The following PIBF1 variants were observed in gnomAD, a reference collection of about 807,000 sequenced individuals.
PIBF1 encodes progesterone-induced-blocking factor 1.
A neutral mutation model predicts 112.5 loss-of-function variants in PIBF1; 90 were observed. That is an observed-to-expected ratio of 0.80 (90% CI 0.67 to 0.95). The LOEUF (loss-of-function observed/expected upper bound fraction) is 0.95, where lower values mean the gene tolerates loss of function less well. Ranked by LOEUF, PIBF1 falls within the 40% of genes least tolerant of loss-of-function variation. The pLI, the probability that PIBF1 is intolerant of heterozygous loss-of-function variation, is 0.00. For synonymous variants in PIBF1, 301 were observed against 288.6 expected, an observed-to-expected ratio of 1.04 and a Z score of -0.44; for missense variants, 915 against 852.3, an observed-to-expected ratio of 1.07 and a Z score of -0.92.
At chr13:72,786,502 T>C (rs2138328381) in intron 2 of PIBF1, among the ~76,000 whole-genome samples, 1 of 152,362 alleles carries the variant, frequency 6.6e-6, no homozygotes, top group South Asian at 2.1e-4. Context: ...TACTCAGCAC[T>C]GTTTTTGAAG....
At chr13:73,002,339 G>A (rs1247356461) in intron 17 of PIBF1, among the ~76,000 whole-genome samples, 1 of 152,152 alleles carries the variant, frequency 6.6e-6, no homozygotes, top group Non-Finnish European at 1.5e-5. Flanking sequence ...TGCTACTTCT[G>A]CAACAGGCAA....
In PIBF1 at chr13:72,827,810, T is replaced by G; in HGVS notation, c.993T>G (p.Ser331Arg). ...EYLNRQNMELSVRCAHEEDRL... is the reference protein window; with the variant it reads ...EYLNRQNMELRVRCAHEEDRL... ...TTAATCGCCAAAACATGGAGCTTAG[T>G]GTTCGCTGTGCTCATGAAGAGGATC... Residue 331 changes from serine to arginine, a missense_variant, in exon 8 of 18, where the codon AGT becomes AGG. Coordinates refer to ENST00000326291, the MANE Select transcript of PIBF1 (RefSeq NM_006346.4). 1 of 1,605,502 alleles carries G rather than the reference T, an allele frequency of 6.2e-7. No homozygotes were observed. The highest frequency in any genetic ancestry group is 8.5e-7 in the Non-Finnish European group (1 of 1,176,054).
rs1287166009 is a variant in PIBF1, at chr13:73,016,411, TAACC to T, written c.*495_*498del. ...TTTTTCTTATATTTTATATTACCAT[TAACC>T]AATAAAATCTGGCAGAAAGTCTGCT... On this transcript the variant is annotated 3_prime_UTR_variant, in exon 18 of 18. Coordinates refer to ENST00000326291, the MANE Select transcript of PIBF1 (RefSeq NM_006346.4). 6.6e-6 allele frequency: 1 copy of T among 152,204 alleles called. No homozygotes were observed. The highest frequency in any genetic ancestry group is 2.4e-5 in the African/African-American group (1 of 41,452). 9.4% of individuals were successfully genotyped at this position (152,204 alleles called of 1,614,324 possible).
chr13:72,823,578 G>A (rs1003146808), intron 6 of PIBF1, among the ~76,000 whole-genome samples: 2 of 152,032 alleles, frequency 1.3e-5, no homozygotes, highest in African/African-American at 4.8e-5. Context: ...TTTATGCCCC[G>A]GGTAAATTCT....
intron 8 of PIBF1, among the ~76,000 whole-genome samples, chr13:72,833,825 T>G (rs1451540357): frequency 6.6e-6 from 1 of 152,170 alleles, no homozygotes; most frequent in Non-Finnish European, 1.5e-5. Flanking sequence ...CAGGGACGTT[T>G]AAGTCTGCTG....
chr13:72,986,120 A>C (rs1336396112), intron 16 of PIBF1, among the ~76,000 whole-genome samples: 1 of 152,104 alleles, frequency 6.6e-6, no homozygotes, highest in East Asian at 1.9e-4. Context: ...CTGTGCTTGC[A>C]CCACTGCACT....
intron 5 of PIBF1, 35 bp downstream of exon 5, chr13:72,798,061 T>C: frequency 6.4e-7 from 1 of 1,560,914 alleles, no homozygotes; most frequent in South Asian, 1.2e-5. Context: ...GGGAAGAAGC[T>C]TCGGCTTTTT....
chr13:72,898,686 A>G (rs917220923), intron 11 of PIBF1, among the ~76,000 whole-genome samples: 2 of 150,418 alleles, frequency 1.3e-5, no homozygotes, highest in African/African-American at 4.9e-5. Context: ...AAAATGCAAA[A>G]AAAAAAAAAA....
chr13:73,013,485 A>G (rs1047925568), intron 17 of PIBF1, among the ~76,000 whole-genome samples: 1 of 151,816 alleles, frequency 6.6e-6, no homozygotes, highest in Non-Finnish European at 1.5e-5. Context: ...ATACTTAGGC[A>G]TATCATTTGC....
In PIBF1 at chr13:73,016,092, A is replaced by T; in HGVS notation, c.*173A>T. 1 of 292,136 alleles carries T rather than the reference A, an allele frequency of 3.4e-6. No individual in the cohort carries two copies. The highest frequency in any genetic ancestry group is 6.2e-6 in the Non-Finnish European group (1 of 160,452). 18.1% of individuals were successfully genotyped at this position (292,136 alleles called of 1,614,324 possible). On this transcript the variant is annotated 3_prime_UTR_variant, in exon 18 of 18. Transcript: ENST00000326291. ...AATCAAAATGTGTAAAGAACAATCAATATACTTTATTTTTTTTTCTATTTT... is the reference window on the plus strand; with the variant it reads ...AATCAAAATGTGTAAAGAACAATCATTATACTTTATTTTTTTTTCTATTTT...
intron 13 of PIBF1, 24 bp from the exon 14 acceptor site, chr13:72,931,141 A>G (rs375306907): frequency 2.1e-6 from 3 of 1,430,694 alleles, no homozygotes; most frequent in Non-Finnish European, 2.9e-6. Context: ...TTTAAGCATT[A>G]ATTTTCTTAT....
At chr13:72,823,359 A>G (rs191570178) in intron 6 of PIBF1, among the ~76,000 whole-genome samples, 43 of 152,292 alleles carry the variant, frequency 2.8e-4, no homozygotes, top group Admixed American at 7.8e-4. Context: ...CTATTTTTAC[A>G]TATGTTTTCA....
chr13:72,788,638 T>C (rs1190965158), intron 2 of PIBF1, among the ~76,000 whole-genome samples: 2 of 152,158 alleles, frequency 1.3e-5, no homozygotes, highest in Non-Finnish European at 2.9e-5. Context: ...CAGTCCTCTT[T>C]AAAGAGTTCT....
intron 2 of PIBF1, among the ~76,000 whole-genome samples, 187 bp downstream of exon 2, chr13:72,783,908 C>T (rs1190080287): frequency 1.3e-5 from 2 of 151,288 alleles, no homozygotes; most frequent in Admixed American, 6.6e-5. Flanking sequence ...CAAGGGCTGG[C>T]ATGGTTAGGG....
chr13:72,844,238 C>T (rs2037734195), intron 9 of PIBF1, among the ~76,000 whole-genome samples: 1 of 152,210 alleles, frequency 6.6e-6, no homozygotes, highest in Non-Finnish European at 1.5e-5. Flanking sequence ...CTCTGCAATG[C>T]AGTGCACACT....
Position 72,893,926 on chromosome 13 carries a change from G to A in PIBF1, c.1465G>A (p.Glu489Lys), listed in dbSNP as rs2040157219. Reference sequence around the variant, plus strand: ...TCTCACACAGTGTCAATTGGAATGTGAAAAATATCAGAAAAAATTGGAGGT... The same window carrying A: ...TCTCACACAGTGTCAATTGGAATGTAAAAAATATCAGAAAAAATTGGAGGT... ...RNLTQCQLEC[E>K]KYQKKLEVLT... The change falls in exon 11 of 18, where the codon GAA becomes AAA. Residue 489 changes from glutamate (E) to lysine (K), a missense_variant. Physicochemically the swap from Glu to Lys is moderately conservative, Grantham distance 56. Coordinates refer to ENST00000326291, the MANE Select transcript of PIBF1 (RefSeq NM_006346.4). 2 of 1,599,826 alleles carry A rather than the reference G, an allele frequency of 1.3e-6. No individual in the cohort carries two copies. Among genetic ancestry groups the A allele is most frequent in the Admixed American group, 3.5e-5 (2 of 57,648 alleles).
At chr13:72,968,434 G>A (rs941076861) in intron 15 of PIBF1, among the ~76,000 whole-genome samples, 8 of 151,436 alleles carry the variant, frequency 5.3e-5, no homozygotes, top group African/African-American at 1.7e-4. Flanking sequence ...CCGAGTAGCT[G>A]GGATAACAAG....
chr13:72,910,154 G>A (rs2040846837), intron 12 of PIBF1, among the ~76,000 whole-genome samples: 1 of 152,000 alleles, frequency 6.6e-6, no homozygotes, highest in Non-Finnish European at 1.5e-5. Context: ...TCCTATCATT[G>A]TCCTATTTCC....
At chr13:72,929,647 T>TA (rs2041640496) in intron 13 of PIBF1, among the ~76,000 whole-genome samples, 1 of 152,090 alleles carries the variant, frequency 6.6e-6, no homozygotes, top group Admixed American at 6.6e-5. Context: ...TTAAGTTGCA[T>TA]ATCAGTAAAA....
Sources: gnomAD v4.1 joint callset for allele counts (sites outside exome capture counted in the v4.1 genomes callset) on GRCh38, gnomAD v4.1.1 for gene constraint, MANE v1.5 for transcripts, NCBI Gene and HGNC (gene_info 2026-07-23, HGNC 2026-07-21) for gene names.